The following EPHA5 variants were observed in gnomAD, a reference collection of about 807,000 sequenced individuals.
EPHA5 encodes the protein ephrin type-A receptor 5.
Under a neutral mutation model 105.0 loss-of-function variants are expected in EPHA5, and 60 were observed. The observed-to-expected ratio is 0.57, with a 90% confidence interval of 0.46 to 0.71. The LOEUF (loss-of-function observed/expected upper bound fraction) is 0.71. EPHA5 is among the 30% of genes least tolerant of loss of function. The pLI is 0.00. For synonymous variants in EPHA5, 513 were observed against 449.1 expected (o/e 1.14, Z -1.80); for missense variants, 1,218 against 1,274.7 (o/e 0.96, Z 0.68).
intron 2 of EPHA5, among the ~76,000 whole-genome samples, chr4:65,610,716 A>G (rs545334419): frequency 3.9e-4 from 60 of 152,304 alleles, no homozygotes; most frequent in African/African-American, 1.4e-3. Flanking sequence ...TGATCTCATT[A>G]TTGTTTTATA....
intron 11 of EPHA5, among the ~76,000 whole-genome samples, chr4:65,361,478 G>A (rs1008321072): frequency 3.3e-5 from 5 of 151,796 alleles, no homozygotes; most frequent in African/African-American, 9.6e-5. Context: ...GGAAAGCAGT[G>A]ATTTGAGGGC....
At chr4:65,501,373 A>G (rs1349853056) in intron 3 of EPHA5, among the ~76,000 whole-genome samples, 3 of 151,710 alleles carry the variant, frequency 2.0e-5, no homozygotes, top group South Asian at 2.1e-4. Context: ...AACTTCACCA[A>G]AAGTCTCCTG....
At chr4:65,645,623 T>C (rs1748050614) in intron 1 of EPHA5, among the ~76,000 whole-genome samples, 1 of 152,050 alleles carries the variant, frequency 6.6e-6, no homozygotes, top group South Asian at 2.1e-4. Context: ...CCTTTTTTTT[T>C]TTTTCCTGGA....
At chr4:65,450,682 AT>A (rs2149106357) in intron 5 of EPHA5, among the ~76,000 whole-genome samples, 1 of 152,346 alleles carries the variant, frequency 6.6e-6, no homozygotes, top group East Asian at 1.9e-4. Context: ...GGATTAAAAA[AT>A]AAAAGTGACA....
At chr4:65,325,092 C>A (rs1040498807) in intron 16 of EPHA5, among the ~76,000 whole-genome samples, 6 of 151,146 alleles carry the variant, frequency 4.0e-5, no homozygotes, top group Non-Finnish European at 5.9e-5. Flanking sequence ...TAAACATGAA[C>A]AATTCAAAAT....
intron 3 of EPHA5, among the ~76,000 whole-genome samples, chr4:65,586,429 CT>C (rs2149406568): frequency 6.6e-6 from 1 of 151,586 alleles, no homozygotes; most frequent in Non-Finnish European, 1.5e-5. Context: ...TTTATATCTT[CT>C]TTTCATATAA....
chr4:65,329,846 G>A (rs1720425519), intron 16 of EPHA5, among the ~76,000 whole-genome samples: 1 of 146,960 alleles, frequency 6.8e-6, no homozygotes, highest in Admixed American at 6.8e-5. Context: ...TAGGCAAAAT[G>A]AACAGATGAA....
At chr4:65,515,016 T>C (rs944162564) in intron 3 of EPHA5, among the ~76,000 whole-genome samples, 1 of 152,154 alleles carries the variant, frequency 6.6e-6, no homozygotes, top group Non-Finnish European at 1.5e-5. Flanking sequence ...ATCTCAATTT[T>C]AGACATCCCA....
Position 65,365,117 on chromosome 4 carries a change from G to C in EPHA5, c.2073C>G (p.Gly691=), listed in dbSNP as rs2148888535. The part of the protein sequence containing the change: ...LPVAIKTLKV[G]YTEKQRRDFL... ...AATCTCTGCGTTGCTTTTCAGTATA[G>C]CCTACTTTAAGGGTTTTGATAGCCA... The change falls in exon 11 of 17, where the codon GGC becomes GGG. Residue 691 remains glycine, a synonymous_variant. Coordinates refer to ENST00000613740, the MANE Select transcript of EPHA5 (RefSeq NM_001281766.3). 1.2e-6 allele frequency: 2 copies of C among 1,611,724 alleles called. No individual in the cohort carries two copies. Among genetic ancestry groups the C allele is most frequent in the Non-Finnish European group, 1.7e-6 (2 of 1,178,486 alleles).
At chr4:65,654,904 C>T (rs112816993) in intron 1 of EPHA5, among the ~76,000 whole-genome samples, 4 of 144,434 alleles carry the variant, frequency 2.8e-5, no homozygotes, top group African/African-American at 1.0e-4. Flanking sequence ...TATAAATATA[C>T]ATTTATTTTT....
chr4:65,367,467 G>GA (rs1444622033), intron 8 of EPHA5, 43 bp from the exon 9 acceptor site: 1 of 1,572,734 alleles, frequency 6.4e-7, no homozygotes, highest in African/African-American at 1.4e-5. Flanking sequence ...TGAAAGTGGT[G>GA]AATCAGTCAC....
intron 1 of EPHA5, among the ~76,000 whole-genome samples, chr4:65,653,503 T>C (rs371906892): frequency 7.9e-5 from 12 of 152,240 alleles, no homozygotes; most frequent in African/African-American, 2.9e-4. Context: ...AACATTTTAG[T>C]ACTCAGAACT....
chr4:65,553,203 A>T (rs1738089577), intron 3 of EPHA5, among the ~76,000 whole-genome samples: 1 of 152,102 alleles, frequency 6.6e-6, no homozygotes, highest in South Asian at 2.1e-4. Flanking sequence ...AATTTACATT[A>T]AGCTCATAGA....
At chr4:65,409,419 T>A (rs1722709760) in intron 7 of EPHA5, among the ~76,000 whole-genome samples, 1 of 151,834 alleles carries the variant, frequency 6.6e-6, no homozygotes, top group African/African-American at 2.4e-5. Context: ...TAGTAAATAA[T>A]AATGTTTCTT....
chr4:65,587,017 T>G (rs1470176832), intron 3 of EPHA5, among the ~76,000 whole-genome samples: 2 of 152,136 alleles, frequency 1.3e-5, no homozygotes, highest in African/African-American at 4.8e-5. Flanking sequence ...TAAAGATATT[T>G]TTATTTTTGC....
intron 1 of EPHA5, among the ~76,000 whole-genome samples, chr4:65,643,815 G>A (rs1030350494): frequency 6.6e-6 from 1 of 151,944 alleles, no homozygotes; most frequent in Non-Finnish European, 1.5e-5. Flanking sequence ...TAAAATTGGA[G>A]CTAAATGTAT....
intron 16 of EPHA5, among the ~76,000 whole-genome samples, chr4:65,325,149 A>C (rs748379397): frequency 1.3e-5 from 2 of 151,404 alleles, no homozygotes; most frequent in Non-Finnish European, 1.5e-5. Context: ...CAAGGTAATT[A>C]CCTTATTGAA....
chr4:65,436,984 A>C (rs1161068730), intron 5 of EPHA5, among the ~76,000 whole-genome samples: 1 of 152,010 alleles, frequency 6.6e-6, no homozygotes, highest in Non-Finnish European at 1.5e-5. Context: ...TATAGCATTC[A>C]CTGCCAGGAA....
intron 3 of EPHA5, among the ~76,000 whole-genome samples, chr4:65,589,975 T>C (rs1742478974): frequency 6.6e-6 from 1 of 152,222 alleles, no homozygotes; most frequent in South Asian, 2.1e-4. Context: ...TTCAAAATAC[T>C]TTGAATTCAT....
Sources: gnomAD v4.1 joint callset for allele counts (sites outside exome capture counted in the v4.1 genomes callset) on GRCh38, gnomAD v4.1.1 for gene constraint, MANE v1.5 for transcripts, NCBI Gene and HGNC (gene_info 2026-07-23, HGNC 2026-07-21) for gene names.